Variants in KCNJ13 observed in about 807,000 individuals in gnomAD.
KCNJ13 encodes the protein inward rectifier potassium channel 13.
Under a neutral mutation model 24.6 loss-of-function variants are expected in KCNJ13, and 9 were observed. The ratio of observed to expected loss-of-function variants is 0.37; its 90% confidence interval spans 0.22 to 0.64. The LOEUF is 0.64. Among genes scored for constraint, KCNJ13 ranks in the 30% least tolerant of loss-of-function variants. KCNJ13 has a pLI of 0.64. For synonymous variants in KCNJ13, 148 were observed against 154.7 expected (o/e 0.96, Z 0.32); for missense variants, 337 against 443.8 (o/e 0.76, Z 2.16).
chr2:232,770,067 C>T (rs1381646676), intron 2 of KCNJ13, among the ~76,000 whole-genome samples: 3 of 152,038 alleles, frequency 2.0e-5, no homozygotes, highest in Admixed American at 2.0e-4. Flanking sequence ...TTTATAGACC[C>T]CCTTAATTGT....
rs143063579 is a variant in KCNJ13, at chr2:232,768,667, G to A, written c.607C>T (p.Arg203Trp). The A allele has an allele frequency of 4.8e-5, 77 of 1,613,214 alleles. No homozygotes were observed. The highest frequency in any genetic ancestry group is 5.5e-5 in the Non-Finnish European group (65 of 1,179,496). ...TCCTGATAGAGTACAGCTGAGACCC[G>A]GACACTGGTTAGAGGGCTAGGTCGG... ...NTRPSPLTSV[R>W]VSAVLYQERE... Residue 203 changes from arginine to tryptophan, a missense_variant, in exon 3 of 3, where the codon CGG becomes TGG. This residue lies in a region of KCNJ13 where 235 missense variants were observed against 286.9 expected (regional missense o/e 0.82). Coordinates refer to ENST00000233826, the MANE Select transcript of KCNJ13 (RefSeq NM_002242.4).
In KCNJ13 at chr2:232,768,305, A is replaced by C. The variant is rs769488519; in HGVS notation, c.969T>G (p.Pro323=). The change falls in exon 3 of 3, where the codon CCT becomes CCG. Residue 323 remains proline (P), a synonymous_variant. Transcript: ENST00000233826. ...IKMENFDKTV[P]EFPTPLVSKS... ...TAGAAACCAGAGGAGTTGGAAATTCAGGGACAGTCTTGTCAAAATTCTCCA... is the reference window on the plus strand; with the variant it reads ...TAGAAACCAGAGGAGTTGGAAATTCCGGGACAGTCTTGTCAAAATTCTCCA... 4 of 1,614,094 alleles carry C rather than the reference A, an allele frequency of 2.5e-6. No homozygotes were observed. The highest frequency in any genetic ancestry group is 1.3e-5 in the African/African-American group (1 of 74,948).
intron 1 of KCNJ13, among the ~76,000 whole-genome samples, chr2:232,775,395 G>A (rs1033801944): frequency 6.6e-6 from 1 of 152,166 alleles, no homozygotes; most frequent in African/African-American, 2.4e-5. Flanking sequence ...ACAGACTTAT[G>A]TAAACAAACA....
chr2:232,768,649 A>G lies in KCNJ13; in HGVS notation c.625T>C (p.Tyr209His), dbSNP rs1410267329. Residue 209 changes from tyrosine (Y) to histidine (H), a missense_variant, in exon 3 of 3, where the codon TAT (tyrosine) becomes CAT (histidine). Tyr to His is a moderately conservative substitution (Grantham distance 83, BLOSUM62 2). Coordinates refer to ENST00000233826, the MANE Select transcript of KCNJ13 (RefSeq NM_002242.4). ...LTSVRVSAVL[Y>H]QERENGKLYQ... is the part of the protein sequence containing the mutation. ...AGTTTGCCATTTTCTCTTTCCTGAT[A>G]GAGTACAGCTGAGACCCGGACACTG... 6.2e-7 allele frequency: 1 copy of G among 1,614,064 alleles called. No homozygotes were observed. The highest frequency in any genetic ancestry group is 8.5e-7 in the Non-Finnish European group (1 of 1,179,968).
intron 1 of KCNJ13, among the ~76,000 whole-genome samples, chr2:232,775,481 T>C (rs1034233974): frequency 2.0e-5 from 3 of 152,200 alleles, no homozygotes; most frequent in Non-Finnish European, 2.9e-5. Context: ...TGTCTGCTCG[T>C]ATGGTTTAAA....
Position 232,767,988 on chromosome 2 carries a change from A to C in KCNJ13, c.*203T>G, listed in dbSNP as rs1699043130. 1 of 579,932 alleles carries C rather than the reference A, an allele frequency of 1.7e-6. No homozygotes were observed. The highest frequency in any genetic ancestry group is 1.9e-5 in the African/African-American group (1 of 53,414). 35.9% of individuals were successfully genotyped at this position (579,932 alleles called of 1,614,324 possible). ...CAAGTTGAGTTACATTGATTTCAGC[A>C]GGTAACAAACTTTGTAATGTAGAGT... On this transcript the variant is annotated 3_prime_UTR_variant, in exon 3 of 3. Coordinates refer to ENST00000233826, the MANE Select transcript of KCNJ13 (RefSeq NM_002242.4).
At chr2:232,771,453 C>G in intron 1 of KCNJ13, 75 bp from the exon 2 acceptor site, 1 of 930,494 alleles carries the variant, frequency 1.1e-6, no homozygotes, top group Non-Finnish European at 1.6e-6. Flanking sequence ...AGCTCATGGA[C>G]TTTCTGCTTT....
intron 2 of KCNJ13, among the ~76,000 whole-genome samples, chr2:232,770,326 T>C (rs1699182127): frequency 6.6e-6 from 1 of 152,190 alleles, no homozygotes; most frequent in African/African-American, 2.4e-5. Context: ...TGAGCAAAAT[T>C]TCATAATCTT....
intron 2 of KCNJ13, among the ~76,000 whole-genome samples, 165 bp from the exon 3 acceptor site, chr2:232,768,978 A>C (rs541350746): frequency 4.6e-5 from 7 of 152,282 alleles, no homozygotes; most frequent in South Asian, 2.1e-4. Context: ...TATTTGCCTG[A>C]AGCATTTTTC....
chr2:232,766,542 C>G lies in KCNJ13; in HGVS notation c.*1649G>C, dbSNP rs1698969580. On this transcript the variant is annotated 3_prime_UTR_variant, in exon 3 of 3. Coordinates refer to ENST00000233826, the MANE Select transcript of KCNJ13 (RefSeq NM_002242.4). ...TTATAGAAATAAGAATTCTTGCTGT[C>G]TTTATGTGTTACAATAGTCTTGGGT... 1 of 152,462 alleles carries G rather than the reference C, an allele frequency of 6.6e-6. No individual in the cohort carries two copies. The highest frequency in any genetic ancestry group is 2.4e-5 in the African/African-American group (1 of 41,440). The allele number at this position is 152,462 out of a possible 1,614,324, so 9.4% of individuals were successfully genotyped here. A position where few individuals can be genotyped will look rare whatever the true frequency, so the allele number is the denominator to read the frequency against.
At chr2:232,771,812 G>T (rs1699263876) in intron 1 of KCNJ13, among the ~76,000 whole-genome samples, 1 of 152,158 alleles carries the variant, frequency 6.6e-6, no homozygotes. Context: ...GTTTAAATAT[G>T]TAAGTGTTCT....
intron 1 of KCNJ13, among the ~76,000 whole-genome samples, chr2:232,773,910 TAAAAAAAAAAAA>T (rs61323973): frequency 8.9e-6 from 1 of 112,802 alleles, no homozygotes; most frequent in Non-Finnish European, 1.8e-5. Context: ...TGTCTCTATT[TAAAAAAAAAAAA>T]AAAAAAAAAA....
intron 1 of KCNJ13, among the ~76,000 whole-genome samples, chr2:232,772,495 G>T (rs1699307906): frequency 6.6e-6 from 1 of 152,136 alleles, no homozygotes; most frequent in African/African-American, 2.4e-5. Context: ...ATTTTAAAAA[G>T]ATAACATTAG....
chr2:232,769,936 T>C (rs1441459202), intron 2 of KCNJ13, among the ~76,000 whole-genome samples: 3 of 152,226 alleles, frequency 2.0e-5, no homozygotes, highest in African/African-American at 7.2e-5. Flanking sequence ...AAAATATTTA[T>C]GATTTCTGTT....
chr2:232,768,715 G>T lies in KCNJ13; in HGVS notation c.559C>A (p.Leu187Ile). Residue 187 changes from leucine to isoleucine, a missense_variant, in exon 3 of 3, where the codon CTT (leucine) becomes ATT (isoleucine). Leu to Ile is a conservative substitution (Grantham distance 5). Around this residue, in one of 3 missense-constraint regions of KCNJ13, gnomAD observed 235 missense variants for 286.9 expected, o/e 0.82. Coordinates refer to ENST00000233826, the MANE Select transcript of KCNJ13 (RefSeq NM_002242.4). ...CGGGTGTTGGCCACTTGGAAGATAA[G>T]ATTAGGTTTGCCATCCATGTGAGCT... is the stretch of plus-strand genomic sequence containing the variant. ...VVAHMDGKPN[L>I]IFQVANTRPS... is the part of the protein sequence containing the mutation. 6.2e-7 allele frequency: 1 copy of T among 1,602,888 alleles called. No homozygotes were observed. The highest frequency in any genetic ancestry group is 8.5e-7 in the Non-Finnish European group (1 of 1,171,346).
intron 1 of KCNJ13, among the ~76,000 whole-genome samples, chr2:232,774,807 T>A (rs1486060170): frequency 3.3e-5 from 5 of 152,192 alleles, no homozygotes; most frequent in Admixed American, 3.3e-4. Context: ...ACTCCATGAT[T>A]CTTTTGTATT....
rs1362036835 is a variant in KCNJ13 at position 232,767,403 on chromosome 2, T to A, written c.*788A>T. On this transcript the variant is annotated 3_prime_UTR_variant, in exon 3 of 3. Coordinates refer to ENST00000233826, the MANE Select transcript of KCNJ13 (RefSeq NM_002242.4). Reference sequence around the variant, plus strand: ...AGGAGGGGAATGTTTTTACTTAGGTTGCTAGAAGTCATTTAGATGAATCAC... The same window carrying A: ...AGGAGGGGAATGTTTTTACTTAGGTAGCTAGAAGTCATTTAGATGAATCAC... 6.6e-6 allele frequency: 1 copy of A among 152,498 alleles called. No individual in the cohort carries two copies. The highest frequency in any genetic ancestry group is 1.5e-5 in the Non-Finnish European group (1 of 68,042). The allele number at this position is 152,498 out of a possible 1,614,324, so 9.4% of individuals were successfully genotyped here. A position where few individuals can be genotyped will look rare whatever the true frequency, so the allele number is the denominator to read the frequency against.
intron 1 of KCNJ13, 36 bp from the exon 2 acceptor site, chr2:232,771,414 T>TAAAACAG: frequency 1.5e-6 from 2 of 1,340,392 alleles, no homozygotes; most frequent in Non-Finnish European, 2.1e-6. Context: ...CTCTTAACTG[T>TAAAACAG]TTTATAGTTA....
chr2:232,768,087 A>G lies in KCNJ13; in HGVS notation c.*104T>C. 1 of 1,111,416 alleles carries G rather than the reference A, an allele frequency of 9.0e-7. No individual in the cohort carries two copies. The highest frequency in any genetic ancestry group is 1.5e-5 in the African/African-American group (1 of 64,912). The allele number at this position is 1,111,416 out of a possible 1,614,324, so 68.8% of individuals were successfully genotyped here. A position where few individuals can be genotyped will look rare whatever the true frequency, so the allele number is the denominator to read the frequency against. On this transcript the variant is annotated 3_prime_UTR_variant, in exon 3 of 3. Coordinates refer to ENST00000233826, the MANE Select transcript of KCNJ13 (RefSeq NM_002242.4). ...CATAGGCATGATTACCGTGATGTAG[A>G]GAGCTATAATTAGCATTGAAAAAAG...
Sources: allele counts gnomAD v4.1 joint callset (sites outside exome capture counted in the v4.1 genomes callset), GRCh38; gene constraint gnomAD v4.1.1; regional missense constraint gnomAD v4.1.1; transcripts MANE v1.5; gene names NCBI Gene and HGNC (gene_info 2026-07-23, HGNC 2026-07-21).